Variants in NEBL observed in about 807,000 individuals in gnomAD.
NEBL encodes nebulette, also known as LIM and SH3 protein 2.
NEBL carries 122 observed loss-of-function variants against 140.2 expected under a neutral mutation model. The observed-to-expected ratio is 0.87, with a 90% CI of 0.75 to 1.01. The LOEUF (loss-of-function observed/expected upper bound fraction) is 1.01, where lower values mean the gene tolerates loss of function less well. NEBL is among the 50% of genes least tolerant of loss of function. The probability of loss-of-function intolerance (pLI) is 0.00; values close to 1 mark genes in which losing one functional copy is unlikely to be tolerated. For synonymous variants in NEBL, 436 were observed against 398.9 expected (o/e 1.09, Z -1.11); for missense variants, 1,365 against 1,231.3 (o/e 1.11, Z -1.62).
intron 3 of NEBL, among the ~76,000 whole-genome samples, chr10:21,013,094 G>A (rs2131745320): frequency 6.6e-6 from 1 of 152,308 alleles, no homozygotes; most frequent in African/African-American, 2.4e-5. Flanking sequence ...CGTGGGGGCA[G>A]GGTGGGGATC....
At chr10:20,882,802 T>C (rs1266597645) in intron 4 of NEBL, among the ~76,000 whole-genome samples, 1 of 152,128 alleles carries the variant, frequency 6.6e-6, no homozygotes, top group Non-Finnish European at 1.5e-5. Flanking sequence ...GACTGCCATC[T>C]AGTTTTTCAA....
At chr10:20,950,809 A>G (rs1023145692) in intron 4 of NEBL, among the ~76,000 whole-genome samples, 10 of 152,242 alleles carry the variant, frequency 6.6e-5, no homozygotes, top group African/African-American at 2.4e-4. Flanking sequence ...AATTGATTCT[A>G]TCAAAAATGA....
chr10:20,964,632 T>C (rs1412531617), intron 3 of NEBL, among the ~76,000 whole-genome samples: 1 of 152,092 alleles, frequency 6.6e-6, no homozygotes, highest in Admixed American at 6.5e-5. Context: ...CCTTCAATGC[T>C]CAGGATCACA....
intron 1 of NEBL, among the ~76,000 whole-genome samples, chr10:21,276,805 C>T (rs1023477783): frequency 4.6e-5 from 7 of 152,146 alleles, no homozygotes; most frequent in Admixed American, 1.3e-4. Flanking sequence ...CCCATCTCTA[C>T]TAAAAATATA....
At chr10:20,817,529 T>C (rs1300115515) in intron 21 of NEBL, 71 bp downstream of exon 21, 8 of 1,219,710 alleles carry the variant, frequency 6.6e-6, no homozygotes, top group East Asian at 4.7e-5. Flanking sequence ...ATTCTATAAA[T>C]ACAATCCCTT....
At chr10:20,870,192 T>A (rs1457300926) in intron 5 of NEBL, among the ~76,000 whole-genome samples, 1 of 151,614 alleles carries the variant, frequency 6.6e-6, no homozygotes, top group Non-Finnish European at 1.5e-5. Flanking sequence ...CTGGGCATGG[T>A]GTGTGCGCCT....
Position 21,029,734 on chromosome 10 carries a change from T to C in NEBL, c.165-9533A>G, listed in dbSNP as rs1171627015. On this transcript the variant is annotated intron_variant, in intron 2 of 6. Transcript: ENST00000417816. ...TTGGTATGAGTATCGGGATGGCCCATGCCGGGATATGGATCGATATGGCTG... is the reference window on the plus strand; with the variant it reads ...TTGGTATGAGTATCGGGATGGCCCACGCCGGGATATGGATCGATATGGCTG... 9 of 831,512 alleles carry C rather than the reference T, an allele frequency of 1.1e-5. No homozygotes were observed. In the East Asian group the frequency reaches 2.0e-4, roughly 18 times the overall value. The allele number at this position is 831,512 out of a possible 1,614,324, so 51.5% of individuals were successfully genotyped here. A position where few individuals can be genotyped will look rare whatever the true frequency, so the allele number is the denominator to read the frequency against.
intron 2 of NEBL, among the ~76,000 whole-genome samples, chr10:21,071,042 G>A (rs941958590): frequency 2.0e-5 from 3 of 151,648 alleles, no homozygotes; most frequent in East Asian, 1.9e-4. Flanking sequence ...GTGTGGTGGC[G>A]TGTGCCTGTA....
chr10:21,185,032 C>T (rs781254411), intron 3 of NEBL, among the ~76,000 whole-genome samples: 1 of 152,034 alleles, frequency 6.6e-6, no homozygotes. Flanking sequence ...CCCATCCTGG[C>T]CCCATGTCTC....
intron 3 of NEBL, among the ~76,000 whole-genome samples, chr10:21,217,405 C>G (rs537131023): frequency 6.6e-6 from 1 of 152,146 alleles, no homozygotes; most frequent in South Asian, 2.1e-4. Flanking sequence ...TGGTTTGTTT[C>G]GGAGTGGGGA....
intron 4 of NEBL, among the ~76,000 whole-genome samples, chr10:20,947,681 TCACACACACACACACA>T (rs5783757): frequency 2.8e-5 from 4 of 144,282 alleles, no homozygotes; most frequent in South Asian, 4.5e-4. Flanking sequence ...TACTGAGAAA[TCACACACACACACACA>T]CACACACACA....
chr10:21,209,282 A>G (rs1254981956), intron 3 of NEBL, among the ~76,000 whole-genome samples: 1 of 152,214 alleles, frequency 6.6e-6, no homozygotes, highest in African/African-American at 2.4e-5. Flanking sequence ...AAGAAAACCT[A>G]GGGAAGGGTT....
chr10:20,903,015 A>G (rs1310460830), intron 4 of NEBL, among the ~76,000 whole-genome samples: 1 of 152,218 alleles, frequency 6.6e-6, no homozygotes, highest in African/African-American at 2.4e-5. Flanking sequence ...TTGAAAACTG[A>G]TAAGAATGAG....
intron 2 of NEBL, among the ~76,000 whole-genome samples, chr10:21,139,888 C>T (rs764284233): frequency 5.9e-5 from 9 of 151,604 alleles, no homozygotes; most frequent in East Asian, 1.9e-4. Flanking sequence ...TGGTGGCTCA[C>T]GCCTGTAATC....
chr10:21,030,513 CT>C, intron 2 of NEBL: 1 of 811,878 alleles, frequency 1.2e-6, no homozygotes, highest in Non-Finnish European at 2.1e-6. Flanking sequence ...AAGGAGAATG[CT>C]TGGTGAAGTG....
chr10:21,212,329 G>A (rs946954143), intron 3 of NEBL, among the ~76,000 whole-genome samples: 2 of 152,042 alleles, frequency 1.3e-5, no homozygotes, highest in African/African-American at 2.4e-5. Context: ...GAAATTCACT[G>A]AAAATTAAAC....
intron 4 of NEBL, among the ~76,000 whole-genome samples, chr10:20,931,199 A>G (rs1297558430): frequency 6.6e-6 from 1 of 152,224 alleles, no homozygotes; most frequent in Non-Finnish European, 1.5e-5. Context: ...AAAGTATGAC[A>G]AAGACGCACC....
intron 3 of NEBL, among the ~76,000 whole-genome samples, chr10:21,229,271 A>G (rs1842212122): frequency 6.6e-6 from 1 of 152,076 alleles, no homozygotes; most frequent in African/African-American, 2.4e-5. Flanking sequence ...AAATATAAAT[A>G]TTATCCAGGC....
At chr10:20,890,024 G>T in intron 2 of NEBL, 75 bp from the exon 3 acceptor site, 2 of 959,788 alleles carry the variant, frequency 2.1e-6, no homozygotes, top group Admixed American at 4.3e-5. Context: ...ATGATAATTA[G>T]GTTGATAAAG....
Sources: allele counts gnomAD v4.1 joint callset (sites outside exome capture counted in the v4.1 genomes callset), GRCh38; gene constraint gnomAD v4.1.1; transcripts MANE v1.5; gene names NCBI Gene and HGNC (gene_info 2026-07-23, HGNC 2026-07-21).